TCOF1: variants seen among roughly 807,000 people sequenced by gnomAD.
TCOF1 encodes treacle ribosome biogenesis factor 1.
A neutral mutation model predicts 149.0 loss-of-function variants in TCOF1; 33 were observed. The ratio of observed to expected loss-of-function variants is 0.22; its 90% CI spans 0.17 to 0.30. TCOF1 has a LOEUF of 0.30. Ranked by LOEUF, TCOF1 falls within the 10% of genes least tolerant of loss-of-function variation. TCOF1 has a pLI of 1.00. For synonymous variants in TCOF1, 789 were observed against 738.8 expected (o/e 1.07, Z -1.10); for missense variants, 1,728 against 1,840.7 (o/e 0.94, Z 1.12).
chr5:150,386,601 G>A (rs980161663), intron 17 of TCOF1, among the ~76,000 whole-genome samples: 1 of 150,758 alleles, frequency 6.6e-6, no homozygotes, highest in Non-Finnish European at 1.5e-5. Flanking sequence ...GGGGTAAACA[G>A]GATGGTGAAA....
intron 1 of TCOF1, among the ~76,000 whole-genome samples, chr5:150,360,407 A>T (rs535603529): frequency 4.7e-4 from 72 of 152,138 alleles, no homozygotes; most frequent in Non-Finnish European, 8.5e-4. Context: ...CTCCCAGCAG[A>T]CTAGTAGACT....
chr5:150,376,252 A>T lies in TCOF1; in HGVS notation c.2064A>T (p.Arg688Ser), dbSNP rs770028613. The change falls in exon 13 of 27, where the codon AGA becomes AGT. Residue 688 changes from arginine to serine, a missense_variant. Physicochemically the swap from Arg to Ser is moderately radical, Grantham distance 110. Coordinates refer to ENST00000643257, the MANE Select transcript of TCOF1 (RefSeq NM_001371623.1). ...CAGCTGTGGCTGGGGGCACCCAGAG[A>T]CCAGCAGAGGATTCTTCAAGCAGTG... The part of the protein sequence containing the change: ...SSPAVAGGTQ[R>S]PAEDSSSSEE... The T allele has an allele frequency of 6.2e-7, 1 of 1,614,200 alleles. No individual in the cohort carries two copies. Among genetic ancestry groups the T allele is most frequent in the Non-Finnish European group, 8.5e-7 (1 of 1,180,034 alleles).
Position 150,376,393 on chromosome 5 carries a change from G to A in TCOF1, c.2143-30G>A, listed in dbSNP as rs191561928. ...CCCTACGTGGTCCTTTGGACTCCTG[G>A]AGACACCTCTCTTCCCCTTGTCATC... On this transcript the variant is annotated intron_variant, in intron 13 of 26. Coordinates refer to ENST00000643257, the MANE Select transcript of TCOF1 (RefSeq NM_001371623.1). 630 of 1,614,172 alleles carry A rather than the reference G, an allele frequency of 3.9e-4. 3 individuals are homozygous for A. In the African/African-American group the frequency reaches 7.4e-3, roughly 19 times the overall value.
Position 150,389,895 on chromosome 5 carries a change from A to G in TCOF1, c.3055A>G (p.Thr1019Ala), listed in dbSNP as rs1387785971. ...ATQCLTPGIR[T>A]NVVTMPTAHP... is the part of the protein sequence containing the mutation. Reference sequence around the variant, plus strand: ...ATCTCGCTCCATTTCAGGCATCAGAACCAATGTGGTGACCATGCCCACTGC... The same window carrying G: ...ATCTCGCTCCATTTCAGGCATCAGAGCCAATGTGGTGACCATGCCCACTGC... Residue 1019 changes from threonine (T) to alanine (A), a missense_variant, in exon 19 of 27, where the codon ACC becomes GCC. By Grantham distance (58) the Thr-to-Ala change is moderately conservative. This residue lies in a region of TCOF1 where 1,696 missense variants were observed against 1,765.4 expected (regional missense o/e 0.96). Transcript: ENST00000643257. The G allele has an allele frequency of 1.9e-6, 3 of 1,614,110 alleles. No homozygotes were observed. Among genetic ancestry groups the G allele is most frequent in the Non-Finnish European group, 2.5e-6 (3 of 1,180,056 alleles).
chr5:150,368,097 TTTC>T, intron 4 of TCOF1, 180 bp downstream of exon 4: 1 of 639,106 alleles, frequency 1.6e-6, no homozygotes, highest in East Asian at 2.9e-5. Context: ...TCAGTTTACT[TTTC>T]TATAAAGATA....
At chr5:150,390,292 G>A (rs144845911) in intron 19 of TCOF1, among the ~76,000 whole-genome samples, 1 of 152,332 alleles carries the variant, frequency 6.6e-6, no homozygotes, top group East Asian at 1.9e-4. Context: ...CCAGCGTAGT[G>A]GGGCTTTTGA....
chr5:150,395,340 G>T (rs1445743451), intron 23 of TCOF1, among the ~76,000 whole-genome samples: 1 of 152,180 alleles, frequency 6.6e-6, no homozygotes, highest in Non-Finnish European at 1.5e-5. Flanking sequence ...GGAGTGTTGT[G>T]CCCATGAGAC....
chr5:150,364,563 A>G (rs1331460834), intron 3 of TCOF1, among the ~76,000 whole-genome samples: 2 of 152,188 alleles, frequency 1.3e-5, no homozygotes, highest in Middle Eastern at 3.2e-3. Context: ...AAGAAGACAC[A>G]CGTTCAGAAG....
At position 150,388,883 on chromosome 5, in the gene TCOF1, A is replaced by G. The variant is rs141622105; in HGVS notation, c.3046+795A>G. ...GAGGCAGAAGTTGCAGTGATCTGAG[A>G]TGTGCCACAGCACTCCAGCCTGGGC... On this transcript the variant is annotated intron_variant, in intron 18 of 26. Coordinates refer to ENST00000643257, the MANE Select transcript of TCOF1 (RefSeq NM_001371623.1). Among the ~76,000 whole-genome samples, 491 of 152,320 alleles carry G rather than the reference A, an allele frequency of 3.2e-3. 1 individual carries two copies. The highest frequency in any genetic ancestry group is 4.9e-3 in the Non-Finnish European group (334 of 68,026).
At chr5:150,376,693 G>A (rs1763885890) in intron 14 of TCOF1, 73 bp downstream of exon 14, 6 of 1,484,032 alleles carry the variant, frequency 4.0e-6, no homozygotes, top group Admixed American at 2.0e-5. Context: ...GGGCTTGACT[G>A]GGGGCTAGTG....
At chr5:150,388,829 G>A (rs951745927) in intron 18 of TCOF1, among the ~76,000 whole-genome samples, 1 of 152,032 alleles carries the variant, frequency 6.6e-6, no homozygotes, top group Non-Finnish European at 1.5e-5. Flanking sequence ...TACTTGAGAG[G>A]GTAAGCCACG....
intron 14 of TCOF1, 154 bp from the exon 15 acceptor site, chr5:150,378,751 C>A: frequency 9.8e-7 from 1 of 1,021,910 alleles, no homozygotes; most frequent in South Asian, 1.4e-5. Context: ...GAACTGAGGC[C>A]CAGTGAGATC....
chr5:150,378,717 A>T, intron 14 of TCOF1, 188 bp from the exon 15 acceptor site: 1 of 723,504 alleles, frequency 1.4e-6, no homozygotes, highest in Non-Finnish European at 2.3e-6. Context: ...GGGCCTTATT[A>T]TTATCTCCAT....
At chr5:150,396,133 G>C in intron 23 of TCOF1, 149 bp from the exon 24 acceptor site, 1 of 860,464 alleles carries the variant, frequency 1.2e-6, no homozygotes, top group South Asian at 1.5e-5. Context: ...AGACCAGCTG[G>C]GGCAGAGTGA....
chr5:150,361,259 A>T, intron 2 of TCOF1, 48 bp downstream of exon 2: 4 of 1,603,280 alleles, frequency 2.5e-6, no homozygotes, highest in Non-Finnish European at 3.4e-6. Flanking sequence ...CACCCCAAGC[A>T]ACTCAGCTTG....
intron 19 of TCOF1, among the ~76,000 whole-genome samples, chr5:150,391,156 G>A (rs568436101): frequency 6.6e-6 from 1 of 152,242 alleles, no homozygotes; most frequent in East Asian, 1.9e-4. Flanking sequence ...GAGGAGATGA[G>A]CCAGGCCGTG....
chr5:150,390,057 A>G (rs1322099904), intron 19 of TCOF1, 34 bp downstream of exon 19: 1 of 1,577,856 alleles, frequency 6.3e-7, no homozygotes, highest in Non-Finnish European at 8.6e-7. Context: ...AATGCAGGCC[A>G]GTGGGGTGGG....
intron 4 of TCOF1, chr5:150,368,284 G>A (rs1761787112): frequency 2.8e-6 from 1 of 354,296 alleles, no homozygotes; most frequent in Non-Finnish European, 5.3e-6. Context: ...AGACATCTGT[G>A]GTTCTGAAAC....
At chr5:150,380,851 A>AG (rs1359613227) in intron 17 of TCOF1, 1 of 152,206 alleles carries the variant, frequency 6.6e-6, no homozygotes, top group African/African-American at 2.4e-5. Flanking sequence ...TACTAAAAAA[A>AG]TACAAAAATT....
Sources: gnomAD v4.1 joint callset for allele counts (sites outside exome capture counted in the v4.1 genomes callset) on GRCh38, gnomAD v4.1.1 for gene constraint, gnomAD v4.1.1 regional missense constraint, MANE v1.5 for transcripts, NCBI Gene and HGNC (gene_info 2026-07-23, HGNC 2026-07-21) for gene names.